The following COL22A1 variants were observed in gnomAD, a reference collection of about 807,000 sequenced individuals.
COL22A1 encodes collagen type XXII alpha 1 chain, also known as collagen alpha-1(XXII) chain.
In COL22A1, 221 loss-of-function variants were observed where a neutral mutation model predicts 248.9. The observed-to-expected ratio is 0.89, with a 90% CI of 0.80 to 0.99. COL22A1 has a LOEUF of 0.99. Among genes scored for constraint, COL22A1 ranks in the 50% least tolerant of loss-of-function variants. COL22A1 has a pLI of 0.00. For synonymous variants in COL22A1, 891 were observed against 793.4 expected (o/e 1.12, Z -2.07); for missense variants, 2,240 against 2,179.0 (o/e 1.03, Z -0.56).
intron 1 of COL22A1, among the ~76,000 whole-genome samples, chr8:138,906,227 A>G (rs6577962): frequency 0.96 from 146,451 of 152,056 alleles, 70,578 homozygotes; most frequent in East Asian, 1. Flanking sequence ...AAAATTAGCC[A>G]GGCATGGTGG....
At chr8:138,688,558 C>T (rs184466254) in intron 37 of COL22A1, among the ~76,000 whole-genome samples, 28 of 151,952 alleles carry the variant, frequency 1.8e-4, no homozygotes, top group African/African-American at 3.4e-4. Context: ...GGAAGGTTTA[C>T]GTGTGTGAGC....
intron 47 of COL22A1, among the ~76,000 whole-genome samples, chr8:138,638,488 C>T (rs989653604): frequency 6.6e-6 from 1 of 152,134 alleles, no homozygotes. Context: ...AAGTCCAGCC[C>T]TCTTTCAATC....
chr8:138,620,534 T>G (rs1435757196), intron 52 of COL22A1: 3 of 152,230 alleles, frequency 2.0e-5, no homozygotes, highest in African/African-American at 7.2e-5. Flanking sequence ...TCTGGATCTG[T>G]AAATTTGGGA....
At chr8:138,883,053 C>T (rs779499041) in intron 2 of COL22A1, 29 bp downstream of exon 2, 10 of 1,543,542 alleles carry the variant, frequency 6.5e-6, no homozygotes, top group Non-Finnish European at 8.7e-6. Context: ...GTCCCCAGCA[C>T]AGCATGGCAC....
At chr8:138,673,982 T>C (rs1825278894) in intron 41 of COL22A1, among the ~76,000 whole-genome samples, 1 of 152,118 alleles carries the variant, frequency 6.6e-6, no homozygotes, top group Non-Finnish European at 1.5e-5. Context: ...ATGCAGTCAC[T>C]CAGGGGCTGT....
intron 18 of COL22A1, among the ~76,000 whole-genome samples, chr8:138,758,756 T>A (rs1005428303): frequency 1.3e-5 from 2 of 152,208 alleles, no homozygotes; most frequent in South Asian, 4.1e-4. Flanking sequence ...ATTATTTTAA[T>A]GAAAACCCCA....
At chr8:138,777,896 C>T (rs559815777) in intron 15 of COL22A1, 1 of 186,382 alleles carries the variant, frequency 5.4e-6, no homozygotes, top group Admixed American at 5.4e-5. Context: ...CTTTGTTCCT[C>T]ATACACCATA....
At chr8:138,824,570 C>T (rs1290448770) in intron 6 of COL22A1, among the ~76,000 whole-genome samples, 1 of 152,162 alleles carries the variant, frequency 6.6e-6, no homozygotes, top group Non-Finnish European at 1.5e-5. Context: ...AACCCAGCCT[C>T]AGTTTACCCA....
intron 3 of COL22A1, among the ~76,000 whole-genome samples, chr8:138,866,082 CA>C (rs1392507824): frequency 9.2e-5 from 14 of 151,852 alleles, no homozygotes; most frequent in African/African-American, 3.4e-4. Flanking sequence ...CCAGGGTAAA[CA>C]TAATCAAAAG....
At chr8:138,865,685 G>GTGTGTATA (rs1027989284) in intron 3 of COL22A1, among the ~76,000 whole-genome samples, 4 of 150,888 alleles carry the variant, frequency 2.7e-5, no homozygotes, top group Admixed American at 2.0e-4. Context: ...GTGAGTGTAT[G>GTGTGTATA]TGTGTATATG....
intron 61 of COL22A1, among the ~76,000 whole-genome samples, chr8:138,597,707 T>C (rs1817657834): frequency 6.6e-6 from 1 of 152,236 alleles, no homozygotes; most frequent in Non-Finnish European, 1.5e-5. Context: ...GCCCCATACC[T>C]GGCATGAGAT....
At chr8:138,654,526 T>G (rs1477416493) in intron 45 of COL22A1, among the ~76,000 whole-genome samples, 1 of 152,142 alleles carries the variant, frequency 6.6e-6, no homozygotes, top group African/African-American at 2.4e-5. Context: ...AATCACCCAG[T>G]GTCTTTTAGA....
chr8:138,703,309 T>G lies in COL22A1; in HGVS notation c.2556A>C (p.Gly852=). The change falls in exon 31 of 65, where the codon GGA becomes GGC. Residue 852 remains glycine, a synonymous_variant. Coordinates refer to ENST00000303045, the MANE Select transcript of COL22A1 (RefSeq NM_152888.3). ...AATTAGAAGCGGAGTAACTTACAGTTCCAGGTAACCCGGGAGGGCCTGCAG... is the reference window on the plus strand; with the variant it reads ...AATTAGAAGCGGAGTAACTTACAGTGCCAGGTAACCCGGGAGGGCCTGCAG... ...AGPAGPPGLP[G]TTSLFTPHPR... is the part of the protein sequence containing the mutation. 6.2e-7 allele frequency: 1 copy of G among 1,613,504 alleles called. No homozygotes were observed. The highest frequency in any genetic ancestry group is 1.3e-5 in the African/African-American group (1 of 75,006).
intron 59 of COL22A1, 53 bp from the exon 60 acceptor site, chr8:138,602,212 C>T: frequency 4.4e-6 from 7 of 1,592,524 alleles, no homozygotes; most frequent in Non-Finnish European, 6.0e-6. Context: ...GCACTGGTGT[C>T]CTTGCCTTGC....
intron 1 of COL22A1, among the ~76,000 whole-genome samples, chr8:138,905,720 A>T (rs1814955693): frequency 6.6e-6 from 1 of 152,142 alleles, no homozygotes; most frequent in African/African-American, 2.4e-5. Context: ...ATCGGACAAG[A>T]CAGTTTCGTT....
At chr8:138,595,405 C>T (rs1817443776) in intron 62 of COL22A1, among the ~76,000 whole-genome samples, 1 of 152,098 alleles carries the variant, frequency 6.6e-6, no homozygotes, top group African/African-American at 2.4e-5. Flanking sequence ...TGTCTCTGCT[C>T]TTGGGCTAGA....
At position 138,870,075 on chromosome 8, in the gene COL22A1, G is replaced by GTGTGTGTGA. The variant is rs529224350; in HGVS notation, c.658+7666_658+7674dup. Among the ~76,000 whole-genome samples, 791 of 152,002 alleles carry GTGTGTGTGA rather than the reference G, an allele frequency of 5.2e-3. 6 individuals carry two copies. The highest frequency in any genetic ancestry group is 0.018 in the African/African-American group (744 of 41,444). On this transcript the variant is annotated intron_variant, in intron 3 of 64. Transcript: ENST00000303045. ...GTGGGCACATGGATATAATATGCAT[G>GTGTGTGTGA]TGTGTGTGATGTGTGTGCATGTGGT... is the stretch of plus-strand genomic sequence containing the variant.
chr8:138,878,259 C>A lies in COL22A1; in HGVS notation c.149G>T (p.Gly50Val). 6.3e-7 allele frequency: 1 copy of A among 1,585,532 alleles called. No homozygotes were observed. Among genetic ancestry groups the A allele is most frequent in the Non-Finnish European group, 8.6e-7 (1 of 1,165,562 alleles). Residue 50 changes from glycine to valine, a missense_variant, in exon 3 of 65, where the codon GGC becomes GTC. Coordinates refer to ENST00000303045, the MANE Select transcript of COL22A1 (RefSeq NM_152888.3). ...CCGGACCTTCTCAAAGTCCTCCTTGCCCACGCTGGAGGAGGTGTCCAGGAG... is the reference window on the plus strand; with the variant it reads ...CCGGACCTTCTCAAAGTCCTCCTTGACCACGCTGGAGGAGGTGTCCAGGAG... Reference protein sequence around the residue: ...VFLLDTSSSVGKEDFEKVRQW... With the variant: ...VFLLDTSSSVVKEDFEKVRQW...
At position 138,749,532 on chromosome 8, in the gene COL22A1, C is replaced by T. The variant is rs577205239; in HGVS notation, c.2085+1926G>A. On this transcript the variant is annotated intron_variant, in intron 22 of 64. Coordinates refer to ENST00000303045, the MANE Select transcript of COL22A1 (RefSeq NM_152888.3). ...TCTTAAGACTGTGCAGGAGCATGTG[C>T]GGGAGCATGTTGAGAGAATGACAGC... 6.6e-5 allele frequency among the ~76,000 whole-genome samples: 10 copies of T among 152,320 alleles called. No homozygotes were observed. The East Asian group carries it at 7.7e-4, about 12-fold the overall frequency.
Sources: allele counts gnomAD v4.1 joint callset (sites outside exome capture counted in the v4.1 genomes callset), GRCh38; gene constraint gnomAD v4.1.1; transcripts MANE v1.5; gene names NCBI Gene and HGNC (gene_info 2026-07-23, HGNC 2026-07-21).